Variants in CSNK1D observed in about 807,000 individuals in gnomAD.
CSNK1D encodes casein kinase I isoform delta.
CSNK1D carries 16 observed loss-of-function variants against 46.6 expected under a neutral mutation model. The ratio of observed to expected loss-of-function variants is 0.34; its 90% CI spans 0.23 to 0.52. CSNK1D has a LOEUF of 0.52. Ranked by LOEUF, CSNK1D falls within the 20% of genes least tolerant of loss-of-function variation. The pLI is 0.95. For synonymous variants in CSNK1D, 276 were observed against 228.2 expected, an observed-to-expected ratio of 1.21 and a Z score of -1.89; for missense variants, 398 against 578.4, an observed-to-expected ratio of 0.69 and a Z score of 3.20.
At chr17:82,258,615 C>T (rs369962927) in intron 2 of CSNK1D, among the ~76,000 whole-genome samples, 2 of 152,184 alleles carry the variant, frequency 1.3e-5, no homozygotes, top group Non-Finnish European at 2.9e-5. Context: ...GTTCCTTCTT[C>T]TTAATACTCA....
downstream of CSNK1D, chr17:82,239,090 C>T (rs78825758): frequency 2.1e-4 from 219 of 1,040,650 alleles, no homozygotes; most frequent in East Asian, 2.0e-3. Context: ...CTCCAGCTGC[C>T]GGCCCAGCGG....
chr17:82,251,706 C>A lies in CSNK1D; in HGVS notation c.737-179G>T. The A allele has an allele frequency of 1.3e-6, 1 of 742,422 alleles. No homozygotes were observed. Among genetic ancestry groups the A allele is most frequent in the Non-Finnish European group, 2.3e-6 (1 of 430,360 alleles). 46.0% of individuals were successfully genotyped at this position (742,422 alleles called of 1,614,324 possible). A position where few individuals can be genotyped will look rare whatever the true frequency, so the allele number is the denominator to read the frequency against. On this transcript the variant is annotated intron_variant, in intron 5 of 8. Coordinates refer to ENST00000314028, the MANE Select transcript of CSNK1D (RefSeq NM_001893.6). This position sits in a 1 kb window ranked among gnomAD's most constrained non-coding sequence, Gnocchi z 4.5. ...AGAAAGCATCGAAAAGTATTCAAGT[C>A]ACGGCCGGGTGCGGCGGCTCACGCC...
intron 1 of CSNK1D, among the ~76,000 whole-genome samples, chr17:82,272,631 G>A (rs2051658395): frequency 6.6e-6 from 1 of 152,152 alleles, no homozygotes; most frequent in Non-Finnish European, 1.5e-5. Context: ...CAAGGCCAAG[G>A]GGAACCGTTC....
rs750100373 is a variant in CSNK1D, at chr17:82,244,841, C to T, written c.1198-10G>A. 1.2e-6 allele frequency: 2 copies of T among 1,613,686 alleles called. No individual in the cohort carries two copies. Among genetic ancestry groups the T allele is most frequent in the Non-Finnish European group, 1.7e-6 (2 of 1,180,030 alleles). ...CCACCCGACCAGGAATCTGTCGGAG[C>T]CAAAGCACAGGAGAAGGTCAGCATG... On this transcript the variant is annotated splice_polypyrimidine_tract_variant and intron_variant, in intron 8 of 8. Coordinates refer to ENST00000314028, the MANE Select transcript of CSNK1D (RefSeq NM_001893.6).
chr17:82,254,369 G>A lies in CSNK1D; in HGVS notation c.336+1060C>T, dbSNP rs529505073. Reference sequence around the variant, plus strand: ...CAGTGCGCTGAGCCGCCGGGGCCTCGAGAAGCCAGTCAGCTGAGCCGCCGG... The same window carrying A: ...CAGTGCGCTGAGCCGCCGGGGCCTCAAGAAGCCAGTCAGCTGAGCCGCCGG... On this transcript the variant is annotated intron_variant, in intron 3 of 8. Transcript: ENST00000314028. 3.1e-3 allele frequency: 821 copies of A among 265,258 alleles called. 1 individual carries two copies. The highest frequency in any genetic ancestry group is 4.0e-3 in the Non-Finnish European group (578 of 144,552). The allele number at this position is 265,258 out of a possible 1,614,324, so 16.4% of individuals were successfully genotyped here. A position where few individuals can be genotyped will look rare whatever the true frequency, so the allele number is the denominator to read the frequency against.
In CSNK1D at chr17:82,244,415, T is replaced by C; in HGVS notation, c.*366A>G. On this transcript the variant is annotated 3_prime_UTR_variant, in exon 9 of 9. Transcript: ENST00000314028. ...TTTTTAGCAAAATGATACAAAACTG[T>C]CTTAACCAAGTAGAAGATTGGTAGT... 1 of 1,222,662 alleles carries C rather than the reference T, an allele frequency of 8.2e-7. No individual in the cohort carries two copies. Among genetic ancestry groups the C allele is most frequent in the Non-Finnish European group, 1.0e-6 (1 of 968,694 alleles). 75.7% of individuals were successfully genotyped at this position (1,222,662 alleles called of 1,614,324 possible). A position where few individuals can be genotyped will look rare whatever the true frequency, so the allele number is the denominator to read the frequency against.
At position 82,249,181 on chromosome 17, in the gene CSNK1D, G is replaced by C; in HGVS notation, c.1058-167C>G. On this transcript the variant is annotated intron_variant, in intron 7 of 8. Coordinates refer to ENST00000314028, the MANE Select transcript of CSNK1D (RefSeq NM_001893.6). The surrounding 1 kb of genome is among the most constrained non-coding windows in gnomAD (Gnocchi z 6.7). The stretch of plus-strand genomic sequence containing the variant: ...TCAGATCCGGCCGGAGGGACACAAA[G>C]GGACATGGGAGCGAGGTCAAGGGGC... 1.1e-6 allele frequency: 1 copy of C among 905,010 alleles called. No homozygotes were observed. Among genetic ancestry groups the C allele is most frequent in the Non-Finnish European group, 1.6e-6 (1 of 607,342 alleles). The allele number at this position is 905,010 out of a possible 1,614,324, so 56.1% of individuals were successfully genotyped here. A position where few individuals can be genotyped will look rare whatever the true frequency, so the allele number is the denominator to read the frequency against.
intron 8 of CSNK1D, 172 bp from the exon 9 acceptor site, chr17:82,245,003 C>A (rs1428506863): frequency 1.3e-6 from 1 of 772,944 alleles, no homozygotes; most frequent in Non-Finnish European, 2.2e-6. Flanking sequence ...GGGACACGTG[C>A]TCAGCAGAAC....
downstream of CSNK1D, chr17:82,242,554 G>A (rs2050756077): frequency 4.9e-6 from 4 of 822,000 alleles, no homozygotes; most frequent in Non-Finnish European, 4.4e-6. Context: ...GACACCCACA[G>A]GCTGAGAAAG....
intron 1 of CSNK1D, among the ~76,000 whole-genome samples, chr17:82,267,831 GCAGCCCAGTGACCC>G (rs1275214528): frequency 2.0e-5 from 3 of 152,224 alleles, no homozygotes; most frequent in African/African-American, 7.2e-5. Flanking sequence ...TCGCCAGCTG[GCAGCCCAGTGACCC>G]CATGGCCTGG....
chr17:82,249,820 G>GA lies in CSNK1D; in HGVS notation c.886-219dup. Reference sequence around the variant, plus strand: ...AGGCCTCTCAGCTCCCCCAACAATCGAAAAAACCCCACTCGCCATGGCATC... The same window carrying GA: ...AGGCCTCTCAGCTCCCCCAACAATCGAAAAAAACCCCACTCGCCATGGCATC... On this transcript the variant is annotated intron_variant, in intron 6 of 8. Coordinates refer to ENST00000314028, the MANE Select transcript of CSNK1D (RefSeq NM_001893.6). The surrounding 1 kb of genome is among the most constrained non-coding windows in gnomAD (Gnocchi z 6.7). 2.8e-6 allele frequency: 4 copies of GA among 1,433,074 alleles called. No individual in the cohort carries two copies. The highest frequency in any genetic ancestry group is 2.7e-6 in the Non-Finnish European group (3 of 1,098,482). The allele number at this position is 1,433,074 out of a possible 1,614,324, so 88.8% of individuals were successfully genotyped here.
rs1345419437 is a variant in CSNK1D, at chr17:82,248,773, G to A, written c.1197+102C>T. The A allele has an allele frequency of 7.2e-6, 11 of 1,531,430 alleles. No individual in the cohort carries two copies. The highest frequency in any genetic ancestry group is 6.0e-5 in the Admixed American group (3 of 50,236). 94.9% of individuals were successfully genotyped at this position (1,531,430 alleles called of 1,614,324 possible). ...CGAGATTAAAAACTCTCAAAAATGG[G>A]GGGAAGAAAGGAAAGAAGAAGCCCT... On this transcript the variant is annotated intron_variant, in intron 8 of 8. Coordinates refer to ENST00000314028, the MANE Select transcript of CSNK1D (RefSeq NM_001893.6). This position sits in a 1 kb window ranked among gnomAD's most constrained non-coding sequence, Gnocchi z 4.1.
intron 2 of CSNK1D, among the ~76,000 whole-genome samples, chr17:82,260,167 ATG>A (rs1431888055): frequency 4.1e-5 from 6 of 147,616 alleles, no homozygotes; most frequent in African/African-American, 1.3e-4. Flanking sequence ...GTACTGACTG[ATG>A]TGACTGATGG....
At position 82,255,188 on chromosome 17, in the gene CSNK1D, G is replaced by A. The variant is rs1429859186; in HGVS notation, c.336+241C>T. ...GAGCCTCGAGAAGCCAGTGAGCTGG[G>A]CCGCCGGAGCCTCGAGAAGCCAGTG... On this transcript the variant is annotated intron_variant, in intron 3 of 8. Coordinates refer to ENST00000314028, the MANE Select transcript of CSNK1D (RefSeq NM_001893.6). This position sits in a 1 kb window ranked among gnomAD's most constrained non-coding sequence, Gnocchi z 5.9. The A allele has an allele frequency of 1.8e-6, 1 of 545,702 alleles. No homozygotes were observed. Among genetic ancestry groups the A allele is most frequent in the Non-Finnish European group, 3.3e-6 (1 of 304,808 alleles). The allele number at this position is 545,702 out of a possible 1,614,324, so 33.8% of individuals were successfully genotyped here. A position where few individuals can be genotyped will look rare whatever the true frequency, so the allele number is the denominator to read the frequency against.
chr17:82,260,898 G>A (rs2051323897), intron 2 of CSNK1D: 1 of 155,134 alleles, frequency 6.4e-6, no homozygotes, highest in Admixed American at 6.5e-5. Context: ...TTCTTTAACA[G>A]GGGTCCTGCT....
chr17:82,249,901 C>A lies in CSNK1D; in HGVS notation c.886-299G>T. The A allele has an allele frequency of 1.5e-6, 2 of 1,361,812 alleles. No individual in the cohort carries two copies. Among genetic ancestry groups the A allele is most frequent in the African/African-American group, 1.5e-5 (1 of 68,196 alleles). The allele number at this position is 1,361,812 out of a possible 1,614,324, so 84.4% of individuals were successfully genotyped here. ...CCAAATGGGCAGCAGCTACCCCCTG[C>A]TGCTCTGTGAACATGCTCACTAACA... On this transcript the variant is annotated intron_variant, in intron 6 of 8. Transcript: ENST00000314028. The surrounding 1 kb of genome is among the most constrained non-coding windows in gnomAD (Gnocchi z 6.7).
chr17:82,252,207 G>A lies in CSNK1D; in HGVS notation c.736+227C>T, dbSNP rs1311427984. ...CCTGCCTTGCCTGCCATCTCTCCAGGGCCTCCAAGTACTCCCCACGCTGAT... is the reference window on the plus strand; with the variant it reads ...CCTGCCTTGCCTGCCATCTCTCCAGAGCCTCCAAGTACTCCCCACGCTGAT... On this transcript the variant is annotated intron_variant, in intron 5 of 8. Coordinates refer to ENST00000314028, the MANE Select transcript of CSNK1D (RefSeq NM_001893.6). The surrounding 1 kb of genome is among the most constrained non-coding windows in gnomAD (Gnocchi z 4.6). Among the ~76,000 whole-genome samples the A allele has an allele frequency of 1.3e-5, 2 of 152,136 alleles. No homozygotes were observed. The highest frequency in any genetic ancestry group is 2.4e-5 in the African/African-American group (1 of 41,416).
chr17:82,259,561 A>G (rs889480917), intron 2 of CSNK1D, among the ~76,000 whole-genome samples: 1 of 152,230 alleles, frequency 6.6e-6, no homozygotes, highest in African/African-American at 2.4e-5. Context: ...GGACATTTGC[A>G]CGTACCAAGC....
At position 82,244,579 on chromosome 17, in the gene CSNK1D, C is replaced by T; in HGVS notation, c.*202G>A. ...ACAACCGAGTTCACGTGGGGGGCCGCAGTGCAGCCCCAGCGGTGGCAGCTC... is the reference window on the plus strand; with the variant it reads ...ACAACCGAGTTCACGTGGGGGGCCGTAGTGCAGCCCCAGCGGTGGCAGCTC... On this transcript the variant is annotated 3_prime_UTR_variant, in exon 9 of 9. Coordinates refer to ENST00000314028, the MANE Select transcript of CSNK1D (RefSeq NM_001893.6). The T allele has an allele frequency of 6.7e-7, 1 of 1,499,752 alleles. No individual in the cohort carries two copies. Among genetic ancestry groups the T allele is most frequent in the Non-Finnish European group, 8.9e-7 (1 of 1,124,758 alleles). The allele number at this position is 1,499,752 out of a possible 1,614,324, so 92.9% of individuals were successfully genotyped here.
Sources: allele counts gnomAD v4.1 joint callset (sites outside exome capture counted in the v4.1 genomes callset), GRCh38; gene constraint gnomAD v4.1.1; non-coding constraint Gnocchi (gnomAD v3.1); transcripts MANE v1.5; gene names NCBI Gene and HGNC (gene_info 2026-07-23, HGNC 2026-07-21).